The following GRK5 variants were observed in gnomAD, a reference collection of about 807,000 sequenced individuals.
GRK5 encodes the protein g protein-coupled receptor kinase GRK5.
In GRK5, 40 loss-of-function variants were observed where a neutral mutation model predicts 78.4. The observed-to-expected ratio is 0.51, with a 90% confidence interval of 0.40 to 0.66. GRK5 has a LOEUF of 0.66. Among genes scored for constraint, GRK5 ranks in the 30% least tolerant of loss-of-function variants. The pLI is 0.00. For missense variants in GRK5, 598 were observed against 759.9 expected (o/e 0.79, Z 2.50); for synonymous variants, 289 against 296.8 (o/e 0.97, Z 0.27).
intron 5 of GRK5, among the ~76,000 whole-genome samples, chr10:119,423,557 C>T (rs1852613644): frequency 6.6e-6 from 1 of 152,162 alleles, no homozygotes; most frequent in South Asian, 2.1e-4. Context: ...GAAGTCTTTC[C>T]CAGGGTCCTC....
At chr10:119,313,059 ATGG>A (rs1368898831) in intron 1 of GRK5, among the ~76,000 whole-genome samples, 3 of 13,772 alleles carry the variant, frequency 2.2e-4, no homozygotes, top group African/African-American at 7.2e-4. Context: ...GGTAATGATG[ATGG>A]TGGTGGTGAT....
In GRK5 at chr10:119,278,230, T is replaced by C. The variant is rs114668270; in HGVS notation, c.53-48286T>C. ...GAGACGGTCTAATGGCCCTGAGCGA[T>C]GGCTCCTATGTGCCCGTCTCCACCT... On this transcript the variant is annotated intron_variant, in intron 1 of 15. Transcript: ENST00000392870. 5.4e-3 allele frequency among the ~76,000 whole-genome samples: 824 copies of C among 152,228 alleles called. 8 individuals are homozygous for C. The highest frequency in any genetic ancestry group is 0.019 in the African/African-American group (782 of 41,536).
intron 2 of GRK5, among the ~76,000 whole-genome samples, chr10:119,346,252 C>T (rs999889651): frequency 2.0e-5 from 3 of 152,224 alleles, no homozygotes; most frequent in African/African-American, 7.2e-5. Flanking sequence ...AGCATCGCCG[C>T]AGCGGGGCCG....
chr10:119,296,198 ATGGCTG>A (rs1183649844), intron 1 of GRK5, among the ~76,000 whole-genome samples: 1 of 152,222 alleles, frequency 6.6e-6, no homozygotes, highest in African/African-American at 2.4e-5. Flanking sequence ...ATGTCACAAA[ATGGCTG>A]CGACAGTTCC....
At chr10:119,433,410 G>A (rs1438604764) in intron 8 of GRK5, among the ~76,000 whole-genome samples, 1 of 152,180 alleles carries the variant, frequency 6.6e-6, no homozygotes, top group Non-Finnish European at 1.5e-5. Flanking sequence ...AAGCTGGGTG[G>A]CACGTCTTTA....
chr10:119,426,567 A>C (rs998458588), intron 6 of GRK5, among the ~76,000 whole-genome samples: 6 of 152,192 alleles, frequency 3.9e-5, no homozygotes, highest in Admixed American at 3.3e-4. Flanking sequence ...TGAGGAGGAG[A>C]TAAGATAAGC....
chr10:119,330,935 C>T (rs377038944), intron 2 of GRK5, among the ~76,000 whole-genome samples: 3 of 152,254 alleles, frequency 2.0e-5, no homozygotes, highest in Non-Finnish European at 2.9e-5. Flanking sequence ...GCAGGAAAAT[C>T]GCTTCAACTT....
chr10:119,302,197 T>C (rs1204061367), intron 1 of GRK5, among the ~76,000 whole-genome samples: 1 of 152,198 alleles, frequency 6.6e-6, no homozygotes, highest in Non-Finnish European at 1.5e-5. Context: ...GACTTGAAGC[T>C]AGTAAAATGA....
At position 119,452,842 on chromosome 10, in the gene GRK5, T is replaced by A; in HGVS notation, c.1542+34T>A. 1.9e-6 allele frequency: 1 copy of A among 521,216 alleles called. No individual in the cohort carries two copies. The highest frequency in any genetic ancestry group is 3.8e-6 in the Non-Finnish European group (1 of 260,092). The allele number at this position is 521,216 out of a possible 1,614,324, so 32.3% of individuals were successfully genotyped here. ...GGCAGACCACTTGCTTTGGTCTGGG[T>A]GGGAGGGAGGGACTGACGGGTGGAA... On this transcript the variant is annotated intron_variant, in intron 14 of 15. Transcript: ENST00000392870. The surrounding 1 kb of genome is among the most constrained non-coding windows in gnomAD (Gnocchi z 4.4).
intron 1 of GRK5, among the ~76,000 whole-genome samples, chr10:119,209,470 C>CTGTG (rs1197763850): frequency 3.3e-4 from 46 of 137,962 alleles, no homozygotes; most frequent in African/African-American, 1.2e-3. Flanking sequence ...AAGGCCTGAG[C>CTGTG]TGTGTGTGTG....
intron 2 of GRK5, among the ~76,000 whole-genome samples, chr10:119,372,919 A>G (rs1404448512): frequency 6.6e-6 from 1 of 152,260 alleles, no homozygotes; most frequent in African/African-American, 2.4e-5. Flanking sequence ...GACTCTCCAA[A>G]GAAAGGAATA....
At chr10:119,291,946 T>G (rs1312355850) in intron 1 of GRK5, among the ~76,000 whole-genome samples, 1 of 137,828 alleles carries the variant, frequency 7.3e-6, no homozygotes, top group East Asian at 2.3e-4. Flanking sequence ...CTCCTCTTTT[T>G]CCTCCTTCTC....
chr10:119,442,970 T>C (rs965761395), intron 11 of GRK5, among the ~76,000 whole-genome samples: 4 of 152,228 alleles, frequency 2.6e-5, no homozygotes, highest in African/African-American at 7.2e-5. Context: ...TGTGTGCATT[T>C]GCCTGGGTCT....
chr10:119,301,831 A>G (rs533837206), intron 1 of GRK5, among the ~76,000 whole-genome samples: 2 of 152,270 alleles, frequency 1.3e-5, no homozygotes, highest in South Asian at 4.1e-4. Flanking sequence ...GGCAGACATT[A>G]CTAACTAATT....
In GRK5 at chr10:119,452,777, C is replaced by G; in HGVS notation, c.1511C>G (p.Thr504Arg). The change falls in exon 14 of 16, where the codon ACG becomes AGG. Residue 504 changes from threonine to arginine, a missense_variant. Coordinates refer to ENST00000392870, the MANE Select transcript of GRK5 (RefSeq NM_005308.3). This position sits in a 1 kb window ranked among gnomAD's most constrained non-coding sequence, Gnocchi z 4.4. ...TDDDFYSKFS[T>R]GSVSIPWQNE... ...GACGACTTCTACTCCAAGTTCTCCA[C>G]GGGCTCTGTGTCCATCCCATGGCAA... 1 of 1,368,114 alleles carries G rather than the reference C, an allele frequency of 7.3e-7. No individual in the cohort carries two copies. Among genetic ancestry groups the G allele is most frequent in the Non-Finnish European group, 9.8e-7 (1 of 1,024,402 alleles). The allele number at this position is 1,368,114 out of a possible 1,614,324, so 84.7% of individuals were successfully genotyped here. A position where few individuals can be genotyped will look rare whatever the true frequency, so the allele number is the denominator to read the frequency against.
intron 6 of GRK5, among the ~76,000 whole-genome samples, chr10:119,427,912 CCGTCAGCATCACTGCCAT>C (rs1360766132): frequency 7.1e-5 from 10 of 141,270 alleles, no homozygotes; most frequent in East Asian, 4.2e-4. Flanking sequence ...ATCATCGCCA[CCGTCAGCATCACTGCCAT>C]CATCAGCCTC....
intron 1 of GRK5, among the ~76,000 whole-genome samples, chr10:119,221,575 C>G (rs899641940): frequency 6.6e-6 from 1 of 152,088 alleles, no homozygotes; most frequent in Admixed American, 6.5e-5. Flanking sequence ...TATATTTAAC[C>G]AAGCCCCTAG....
chr10:119,344,072 T>C (rs1449415307), intron 2 of GRK5, among the ~76,000 whole-genome samples: 1 of 151,946 alleles, frequency 6.6e-6, no homozygotes, highest in African/African-American at 2.4e-5. Flanking sequence ...TTTTCTTTTT[T>C]CTTTTTCTTT....
intron 4 of GRK5, among the ~76,000 whole-genome samples, chr10:119,397,832 G>A (rs970632593): frequency 4.6e-5 from 7 of 152,316 alleles, no homozygotes; most frequent in South Asian, 2.1e-4. Context: ...CCTTTGTCAC[G>A]CCCCACTCTG....
Sources: gnomAD v4.1 joint callset for allele counts (sites outside exome capture counted in the v4.1 genomes callset) on GRCh38, gnomAD v4.1.1 for gene constraint, Gnocchi (gnomAD v3.1) non-coding constraint, MANE v1.5 for transcripts, NCBI Gene and HGNC (gene_info 2026-07-23, HGNC 2026-07-21) for gene names.